SVOPL: variants seen among roughly 807,000 people sequenced by gnomAD.
SVOPL encodes putative transporter SVOPL.
A neutral mutation model predicts 61.0 loss-of-function variants in SVOPL; 60 were observed. The ratio of observed to expected loss-of-function variants is 0.98; its 90% CI spans 0.80 to 1.22. The LOEUF (loss-of-function observed/expected upper bound fraction) is 1.22. SVOPL is among the 50% of genes most tolerant of loss of function. The pLI is 0.00. For synonymous variants in SVOPL, 279 were observed against 250.0 expected (o/e 1.12, Z -1.09); for missense variants, 662 against 643.9 (o/e 1.03, Z -0.30).
At chr7:138,638,050 G>A (rs1011841291) in intron 9 of SVOPL, among the ~76,000 whole-genome samples, 1 of 152,116 alleles carries the variant, frequency 6.6e-6, no homozygotes, top group Non-Finnish European at 1.5e-5. Context: ...AATGCAGGTG[G>A]ATCACTTGAG....
intron 1 of SVOPL, among the ~76,000 whole-genome samples, chr7:138,689,822 A>T: frequency 6.9e-6 from 1 of 145,718 alleles, no homozygotes; most frequent in East Asian, 2.0e-4. Flanking sequence ...ATGCCACTGC[A>T]CTCCAGTCTG....
intron 9 of SVOPL, among the ~76,000 whole-genome samples, chr7:138,640,144 G>A (rs1191123472): frequency 6.6e-6 from 1 of 151,960 alleles, no homozygotes; most frequent in South Asian, 2.1e-4. Context: ...ACTAACCAAA[G>A]CTACTTTCAA....
chr7:138,692,565 A>AAAT (rs780228015), intron 1 of SVOPL, among the ~76,000 whole-genome samples: 1 of 152,188 alleles, frequency 6.6e-6, no homozygotes, highest in Non-Finnish European at 1.5e-5. Context: ...TCTGATTAAA[A>AAAT]AATAATAATA....
chr7:138,601,264 A>G (rs906786951), intron 14 of SVOPL, among the ~76,000 whole-genome samples: 2 of 151,550 alleles, frequency 1.3e-5, no homozygotes, highest in African/African-American at 4.8e-5. Flanking sequence ...AAAAAAAAAA[A>G]AAAAAGAAAA....
intron 7 of SVOPL, 52 bp downstream of exon 7, chr7:138,656,390 TATGTAC>T: frequency 6.5e-7 from 1 of 1,543,454 alleles, no homozygotes; most frequent in South Asian, 1.1e-5. Context: ...GGTATGCCTA[TATGTAC>T]ATCTTATCCC....
intron 13 of SVOPL, among the ~76,000 whole-genome samples, chr7:138,623,460 C>T (rs1324608393): frequency 6.6e-5 from 10 of 151,944 alleles, no homozygotes; most frequent in African/African-American, 2.2e-4. Flanking sequence ...ATTAGCCGGG[C>T]GTGGTGGCGG....
chr7:138,600,322 G>T (rs1190413824), intron 14 of SVOPL, among the ~76,000 whole-genome samples: 1 of 152,186 alleles, frequency 6.6e-6, no homozygotes, highest in Non-Finnish European at 1.5e-5. Context: ...CCCTGGCCAG[G>T]CACAGTGGCT....
rs181317028 is a variant in SVOPL at position 138,694,438 on chromosome 7, G to A, written c.-35+6740C>T. Among the ~76,000 whole-genome samples the A allele has an allele frequency of 5.2e-3, 788 of 152,082 alleles. 7 individuals are homozygous for A. Among genetic ancestry groups the A allele is most frequent in the African/African-American group, 0.018 (740 of 41,494 alleles). ...TTTTTGTATTTTTAGTAGAGATGGG[G>A]TTTCACCATGTTGGCCAGGCTGGTC... On this transcript the variant is annotated intron_variant, in intron 1 of 15. Coordinates refer to ENST00000674285, the MANE Select transcript of SVOPL (RefSeq NM_001139456.2).
rs535991647 is a variant in SVOPL at position 138,671,179 on chromosome 7, C to T, written c.273+840G>A. ...TGCTCAGCAGGTGGGGTGCTTCTGG[C>T]CCTGCCCACCTCTGCAGCTTCACCT... On this transcript the variant is annotated intron_variant, in intron 4 of 15. Coordinates refer to ENST00000674285, the MANE Select transcript of SVOPL (RefSeq NM_001139456.2). Among the ~76,000 whole-genome samples the T allele has an allele frequency of 7.3e-4, 111 of 152,224 alleles. 1 individual carries two copies. The highest frequency in any genetic ancestry group is 2.6e-3 in the African/African-American group (107 of 41,544).
intron 9 of SVOPL, among the ~76,000 whole-genome samples, chr7:138,644,125 C>T (rs1006424331): frequency 2.9e-5 from 4 of 139,118 alleles, no homozygotes; most frequent in Non-Finnish European, 6.1e-5. Flanking sequence ...CACTTGAACC[C>T]GGGAGGTAGA....
chr7:138,630,127 G>A lies in SVOPL; in HGVS notation c.790-5C>T. The A allele has an allele frequency of 1.2e-6, 2 of 1,612,118 alleles. No homozygotes were observed. Among genetic ancestry groups the A allele is most frequent in the Non-Finnish European group, 1.7e-6 (2 of 1,178,350 alleles). The stretch of plus-strand genomic sequence containing the variant: ...TGCAAATCTTCCTCTTTTTTCCTGG[G>A]GTAATGAAAAGGAGACAGAACATAC... On this transcript the variant is annotated splice_region_variant and splice_polypyrimidine_tract_variant and intron_variant, in intron 9 of 15. Coordinates refer to ENST00000674285, the MANE Select transcript of SVOPL (RefSeq NM_001139456.2).
At chr7:138,700,213 AACAACATGTTTGAGAG>A (rs907310221) in intron 1 of SVOPL, among the ~76,000 whole-genome samples, 3 of 152,144 alleles carry the variant, frequency 2.0e-5, no homozygotes. Context: ...GAAAGAAGAG[AACAACATGTTTGAGAG>A]ATGGAGATGA....
chr7:138,656,552 A>C, intron 6 of SVOPL, 41 bp from the exon 7 acceptor site: 3 of 1,598,044 alleles, frequency 1.9e-6, no homozygotes, highest in Admixed American at 1.7e-5. Flanking sequence ...TGTTTTAAAA[A>C]ACTAAATCAT....
intron 9 of SVOPL, among the ~76,000 whole-genome samples, chr7:138,642,808 C>T (rs995107473): frequency 1.0e-4 from 14 of 135,578 alleles, no homozygotes; most frequent in South Asian, 2.5e-4. Context: ...CCAGCCTGGA[C>T]GATAGAGCGA....
chr7:138,622,022 C>CTATCTATCTATG lies in SVOPL; in HGVS notation c.1264-888_1264-887insCATAGATAGATA, dbSNP rs1563095959. Among the ~76,000 whole-genome samples, 17 of 21,648 alleles carry CTATCTATCTATG rather than the reference C, an allele frequency of 7.9e-4. 3 individuals are homozygous for CTATCTATCTATG. In the South Asian group the frequency reaches 0.01, roughly 13 times the overall value. 14.2% of individuals were successfully genotyped at this position (21,648 alleles called of 152,430 possible). ...TCTATCTATGTATCTATCTATGTAT[C>CTATCTATCTATG]TATCTATCTATCTATGTATCTATCT... On this transcript the variant is annotated intron_variant, in intron 13 of 15. Transcript: ENST00000674285.
chr7:138,624,739 C>T (rs556758590), intron 13 of SVOPL, among the ~76,000 whole-genome samples: 57 of 151,288 alleles, frequency 3.8e-4, no homozygotes, highest in Non-Finnish European at 7.7e-4. Context: ...ACTTTGCTGC[C>T]CAGGCTGGAG....
At chr7:138,595,292 T>C (rs1350417128) in intron 15 of SVOPL, among the ~76,000 whole-genome samples, 2 of 152,328 alleles carry the variant, frequency 1.3e-5, no homozygotes, top group South Asian at 2.1e-4. Flanking sequence ...TGGTTTCATA[T>C]GGTAACCACT....
chr7:138,599,158 C>CAAAAAAAAAAAAAAAAAAAAAAA (rs1563078186), intron 14 of SVOPL, among the ~76,000 whole-genome samples: 2 of 100,848 alleles, frequency 2.0e-5, no homozygotes, highest in Non-Finnish European at 3.9e-5. Context: ...AAAAAAAAAA[C>CAAAAAAAAAAAAAAAAAAAAAAA]CAAAAAAAAA....
intron 13 of SVOPL, among the ~76,000 whole-genome samples, chr7:138,622,369 A>C (rs1799709413): frequency 6.6e-6 from 1 of 152,156 alleles, no homozygotes; most frequent in Non-Finnish European, 1.5e-5. Context: ...ATTTTGGCTC[A>C]CTGCATCATC....
Sources: gnomAD v4.1 joint callset for allele counts (sites outside exome capture counted in the v4.1 genomes callset) on GRCh38, gnomAD v4.1.1 for gene constraint, MANE v1.5 for transcripts, NCBI Gene and HGNC (gene_info 2026-07-23, HGNC 2026-07-21) for gene names.